ARHGAP28: variants seen among roughly 807,000 people sequenced by gnomAD.
ARHGAP28 encodes the protein rho GTPase-activating protein 28.
In ARHGAP28, 56 loss-of-function variants were observed where a neutral mutation model predicts 90.7. That is an observed-to-expected ratio of 0.62 (90% confidence interval 0.50 to 0.77). The LOEUF (loss-of-function observed/expected upper bound fraction) is 0.77, where lower values mean the gene tolerates loss of function less well. ARHGAP28 is among the 30% of genes least tolerant of loss of function. ARHGAP28 has a pLI of 0.00. For synonymous variants in ARHGAP28, 308 were observed against 323.3 expected (o/e 0.95, Z 0.51); for missense variants, 869 against 900.9 (o/e 0.96, Z 0.45).
chr18:6,786,883 G>C (rs2056368974), intron 1 of ARHGAP28, among the ~76,000 whole-genome samples: 1 of 151,592 alleles, frequency 6.6e-6, no homozygotes, highest in South Asian at 2.1e-4. Context: ...TTTCCCTTTG[G>C]CCTAAAAATA....
chr18:6,861,943 T>C (rs1158420860), intron 5 of ARHGAP28, among the ~76,000 whole-genome samples: 1 of 152,170 alleles, frequency 6.6e-6, no homozygotes, highest in Admixed American at 6.5e-5. Flanking sequence ...CCAGATTTTA[T>C]TTTTATTTTC....
chr18:6,808,924 T>A (rs2056537596), intron 1 of ARHGAP28, among the ~76,000 whole-genome samples: 1 of 152,216 alleles, frequency 6.6e-6, no homozygotes, highest in African/African-American at 2.4e-5. Flanking sequence ...TCAGCCAGAG[T>A]CAAGGGGACC....
Position 6,868,163 on chromosome 18 carries a change from C to G in ARHGAP28, c.740C>G (p.Thr247Ser), listed in dbSNP as rs1339468980. ...PRSDSVAILE[T>S]IPVLPVHSNG... ...TTTGCTTGGCAGGCTATACTTGAGACCATTCCAGTTCTACCAGTTCATTCC... is the reference window on the plus strand; with the variant it reads ...TTTGCTTGGCAGGCTATACTTGAGAGCATTCCAGTTCTACCAGTTCATTCC... The change falls in exon 6 of 18, where the codon ACC (threonine) becomes AGC (serine). Residue 247 changes from threonine (T) to serine (S), a missense_variant. Physicochemically the swap from Thr to Ser is moderately conservative, Grantham distance 58. Transcript: ENST00000383472. 1.9e-6 allele frequency: 3 copies of G among 1,613,970 alleles called. No individual in the cohort carries two copies. In the Admixed American group the frequency reaches 5.0e-5, roughly 27 times the overall value.
chr18:6,741,223 A>C (rs538739802), intron 1 of ARHGAP28, among the ~76,000 whole-genome samples: 7 of 152,192 alleles, frequency 4.6e-5, no homozygotes, highest in Admixed American at 1.3e-4. Flanking sequence ...GCTGACTGTA[A>C]GTTTCCACAG....
chr18:6,732,780 A>G (rs2055893788), intron 1 of ARHGAP28, among the ~76,000 whole-genome samples: 1 of 152,188 alleles, frequency 6.6e-6, no homozygotes, highest in East Asian at 1.9e-4. Context: ...AATTACTACA[A>G]TGTGGCCTTG....
intron 1 of ARHGAP28, among the ~76,000 whole-genome samples, chr18:6,746,135 C>A (rs1272007613): frequency 4.6e-5 from 7 of 152,210 alleles, no homozygotes; most frequent in Non-Finnish European, 1.0e-4. Flanking sequence ...GAACAGTCTT[C>A]TCAGCATTTA....
At chr18:6,805,849 C>T (rs2056515106) in intron 1 of ARHGAP28, among the ~76,000 whole-genome samples, 1 of 151,660 alleles carries the variant, frequency 6.6e-6, no homozygotes, top group African/African-American at 2.4e-5. Context: ...GATGTGGTTG[C>T]ATTTAAATAT....
intron 17 of ARHGAP28, 68 bp from the exon 18 acceptor site, chr18:6,911,990 GAC>G: frequency 1.0e-6 from 1 of 953,814 alleles, no homozygotes; most frequent in Non-Finnish European, 1.6e-6. Context: ...AACACACACA[GAC>G]ACATATGTGT....
intron 1 of ARHGAP28, among the ~76,000 whole-genome samples, chr18:6,819,162 A>G (rs1484209235): frequency 1.3e-5 from 2 of 152,212 alleles, no homozygotes; most frequent in East Asian, 1.9e-4. Flanking sequence ...TTTGGAATAT[A>G]CTTAACAACT....
In ARHGAP28 at chr18:6,887,707, G is replaced by A. The variant is rs1456859362; in HGVS notation, c.1536+468G>A. 2.0e-5 allele frequency among the ~76,000 whole-genome samples: 3 copies of A among 152,166 alleles called. No individual in the cohort carries two copies. In the South Asian group the frequency reaches 6.2e-4, roughly 32 times the overall value. On this transcript the variant is annotated intron_variant, in intron 12 of 17. Transcript: ENST00000383472. ...CAAAGTGCTGGGATTACAAGTGTGA[G>A]CCACCACGCCCGGGCGGTATGTTCT... is the stretch of plus-strand genomic sequence containing the variant.
At chr18:6,731,742 G>A (rs2055884540) in intron 1 of ARHGAP28, among the ~76,000 whole-genome samples, 1 of 152,166 alleles carries the variant, frequency 6.6e-6, no homozygotes, top group African/African-American at 2.4e-5. Context: ...AGAGGTTCCT[G>A]TATTTACAAA....
chr18:6,849,358 T>C lies in ARHGAP28; in HGVS notation c.544-1676T>C, dbSNP rs2056891908. Reference sequence around the variant, plus strand: ...GAGAACACTGAAGTTATTCTAGCCATACCTGTGAGCTGCTGGGCAGTTTAT... The same window carrying C: ...GAGAACACTGAAGTTATTCTAGCCACACCTGTGAGCTGCTGGGCAGTTTAT... On this transcript the variant is annotated intron_variant, in intron 3 of 17. Transcript: ENST00000383472. Among the ~76,000 whole-genome samples the C allele has an allele frequency of 2.6e-5, 4 of 151,116 alleles. No homozygotes were observed. In the South Asian group the frequency reaches 8.5e-4, roughly 32 times the overall value.
chr18:6,729,856 C>T lies in ARHGAP28; in HGVS notation c.35C>T (p.Thr12Ile). 2.1e-6 allele frequency: 3 copies of T among 1,434,926 alleles called. No homozygotes were observed. Among genetic ancestry groups the T allele is most frequent in the South Asian group, 1.4e-5 (1 of 71,396 alleles). 88.9% of individuals were successfully genotyped at this position (1,434,926 alleles called of 1,614,324 possible). ...GAGGACTCGGGCGGCGTGGTGCTGA[C>T]CGCCTACCACTCGTACGCGCGCGCC... ...EVEDSGGVVL[T>I]AYHSYARAQP... The change falls in exon 1 of 18, where the codon ACC becomes ATC. Residue 12 changes from threonine (T) to isoleucine (I), a missense_variant. Coordinates refer to ENST00000383472, the MANE Select transcript of ARHGAP28 (RefSeq NM_001366230.1).
intron 7 of ARHGAP28, 68 bp from the exon 8 acceptor site, chr18:6,873,341 G>A: frequency 7.4e-7 from 1 of 1,344,044 alleles, no homozygotes; most frequent in Non-Finnish European, 1.0e-6. Flanking sequence ...TGTCCAGGTG[G>A]CATTTGAGTG....
chr18:6,877,426 G>A (rs1316809748), intron 10 of ARHGAP28, among the ~76,000 whole-genome samples: 1 of 152,166 alleles, frequency 6.6e-6, no homozygotes, highest in Non-Finnish European at 1.5e-5. Context: ...CAAGGCCCTG[G>A]TACCCATGCC....
Position 6,732,791 on chromosome 18 carries a change from G to A in ARHGAP28, c.122+2848G>A, listed in dbSNP as rs931717652. 9.2e-4 allele frequency among the ~76,000 whole-genome samples: 140 copies of A among 152,258 alleles called. 1 individual carries two copies. Among genetic ancestry groups the A allele is most frequent in the African/African-American group, 3.2e-3 (134 of 41,546 alleles). On this transcript the variant is annotated intron_variant, in intron 1 of 17. Coordinates refer to ENST00000383472, the MANE Select transcript of ARHGAP28 (RefSeq NM_001366230.1). ...CACCAATTACTACAATGTGGCCTTG[G>A]GCAATTTACTTCCGCTGCTTAGGAT...
At chr18:6,887,270 G>A in intron 12 of ARHGAP28, 31 bp downstream of exon 12, 4 of 1,599,762 alleles carry the variant, frequency 2.5e-6, no homozygotes, top group Non-Finnish European at 2.6e-6. Context: ...AGCTTGTCCT[G>A]GGGCTCTTAT....
At chr18:6,762,618 T>G (rs2056170860) in intron 1 of ARHGAP28, among the ~76,000 whole-genome samples, 1 of 152,036 alleles carries the variant, frequency 6.6e-6, no homozygotes, top group Admixed American at 6.6e-5. Flanking sequence ...GTGACTATAT[T>G]TAGAGATAGG....
At chr18:6,779,658 G>T (rs1299094498) in intron 1 of ARHGAP28, among the ~76,000 whole-genome samples, 2 of 152,208 alleles carry the variant, frequency 1.3e-5, no homozygotes, top group Non-Finnish European at 1.5e-5. Flanking sequence ...TCAAGTGCTT[G>T]CCTGGCCTTA....
Sources: allele counts gnomAD v4.1 joint callset (sites outside exome capture counted in the v4.1 genomes callset), GRCh38; gene constraint gnomAD v4.1.1; transcripts MANE v1.5; gene names NCBI Gene and HGNC (gene_info 2026-07-23, HGNC 2026-07-21).